COL27A1: variants seen among roughly 807,000 people sequenced by gnomAD.
COL27A1 encodes collagen type XXVII alpha 1 chain, also known as collagen alpha-1(XXVII) chain.
A neutral mutation model predicts 251.3 loss-of-function variants in COL27A1; 106 were observed. The observed-to-expected ratio is 0.42, with a 90% CI of 0.36 to 0.50. The LOEUF is 0.50. Among genes scored for constraint, COL27A1 ranks in the 20% least tolerant of loss-of-function variants. The pLI, the probability that COL27A1 is intolerant of heterozygous loss-of-function variation, is 0.00. For missense variants in COL27A1, 2,325 were observed against 2,522.8 expected (o/e 0.92, Z 1.68); for synonymous variants, 1,000 against 986.3 (o/e 1.01, Z -0.26).
intron 36 of COL27A1, chr9:114,271,470 G>A (rs1835137661): frequency 6.6e-6 from 1 of 152,420 alleles, no homozygotes; most frequent in Admixed American, 6.5e-5. Context: ...GGCTATGAGT[G>A]AGGATCCAAA....
At chr9:114,213,387 C>G (rs956566951) in intron 12 of COL27A1, among the ~76,000 whole-genome samples, 8 of 152,114 alleles carry the variant, frequency 5.3e-5, no homozygotes, top group Non-Finnish European at 1.0e-4. Context: ...ACAAAGTTAC[C>G]CTGTTCATGG....
Position 114,169,440 on chromosome 9 carries a change from C to A in COL27A1, c.1885C>A (p.Pro629Thr), listed in dbSNP as rs776212698. Residue 629 changes from proline to threonine, a missense_variant, in exon 3 of 61, where the codon CCC becomes ACC. Pro to Thr is a conservative substitution (Grantham distance 38, BLOSUM62 -1). This residue lies in a region of COL27A1 where 1,183 missense variants were observed against 1,144.1 expected (regional missense o/e 1.03). Transcript: ENST00000356083. ...CCCTCTGCTGATGGGGCCTCCGGGA[C>A]CCAAGGGAGACTGTGGCTTGCCGGT... ...PFPLLMGPPG[P>T]KGDCGLPGPP... 2 of 1,547,510 alleles carry A rather than the reference C, an allele frequency of 1.3e-6. No individual in the cohort carries two copies. Among genetic ancestry groups the A allele is most frequent in the South Asian group, 1.2e-5 (1 of 82,764 alleles).
At chr9:114,269,053 G>A (rs575534740) in intron 34 of COL27A1, 188 bp from the exon 35 acceptor site, 2 of 533,332 alleles carry the variant, frequency 3.8e-6, no homozygotes, top group East Asian at 6.1e-5. Flanking sequence ...GAAGTCCGTG[G>A]ACAAGGCTTA....
intron 49 of COL27A1, among the ~76,000 whole-genome samples, chr9:114,293,268 T>G (rs769099350): frequency 6.6e-6 from 1 of 152,136 alleles, no homozygotes; most frequent in African/African-American, 2.4e-5. Flanking sequence ...ATCTGGAAAC[T>G]AAGTAACAAA....
intron 52 of COL27A1, 52 bp downstream of exon 52, chr9:114,301,177 C>T (rs559424686): frequency 1.9e-6 from 3 of 1,611,458 alleles, no homozygotes; most frequent in African/African-American, 1.3e-5. Context: ...GCCTTCCTGG[C>T]TCCAGATTGT....
At chr9:114,258,444 G>T in intron 27 of COL27A1, 97 bp from the exon 28 acceptor site, 1 of 1,235,390 alleles carries the variant, frequency 8.1e-7, no homozygotes, top group South Asian at 1.4e-5. Context: ...CCGTCTGAGG[G>T]CTGCAGGCCT....
chr9:114,268,588 G>A (rs888528010), intron 34 of COL27A1, among the ~76,000 whole-genome samples: 10 of 152,252 alleles, frequency 6.6e-5, no homozygotes, highest in African/African-American at 9.6e-5. Flanking sequence ...GCCCAGGTTC[G>A]GATCATGAAT....
At position 114,155,652 on chromosome 9, in the gene COL27A1, G is replaced by C. The variant is rs1449449550; in HGVS notation, c.-299G>C. ...GCCAGCAGCCCGCCTCCAAAAGTTTGATCATCTCTCTCTCTCTTTTTCTTG... is the reference window on the plus strand; with the variant it reads ...GCCAGCAGCCCGCCTCCAAAAGTTTCATCATCTCTCTCTCTCTTTTTCTTG... On this transcript the variant is annotated 5_prime_UTR_variant, in exon 1 of 61. Coordinates refer to ENST00000356083, the MANE Select transcript of COL27A1 (RefSeq NM_032888.4). This position sits in a 1 kb window ranked among gnomAD's most constrained non-coding sequence, Gnocchi z 5.5. 1 of 152,438 alleles carries C rather than the reference G, an allele frequency of 6.6e-6. No homozygotes were observed. Among genetic ancestry groups the C allele is most frequent in the Non-Finnish European group, 1.5e-5 (1 of 68,302 alleles). 9.4% of individuals were successfully genotyped at this position (152,438 alleles called of 1,614,324 possible).
At chr9:114,304,750 G>A in intron 57 of COL27A1, 77 bp downstream of exon 57, 3 of 1,304,324 alleles carry the variant, frequency 2.3e-6, no homozygotes, top group Non-Finnish European at 3.3e-6. Flanking sequence ...CATGTGGTCA[G>A]TGCCTTCCAT....
chr9:114,236,287 G>C (rs1233780563), intron 17 of COL27A1, among the ~76,000 whole-genome samples: 1 of 152,158 alleles, frequency 6.6e-6, no homozygotes, highest in African/African-American at 2.4e-5. Context: ...GACTTGTACT[G>C]TGTCCCCTGC....
In COL27A1 at chr9:114,305,471, T is replaced by C. The variant is rs143789080; in HGVS notation, c.4938+798T>C. On this transcript the variant is annotated intron_variant, in intron 57 of 60. Coordinates refer to ENST00000356083, the MANE Select transcript of COL27A1 (RefSeq NM_032888.4). ...GGAGAGCGCTGACCTGCAACATCCT[T>C]AACATGATGAAGGAAAGTGGCTCCG... 2.0e-4 allele frequency among the ~76,000 whole-genome samples: 30 copies of C among 152,288 alleles called. No homozygotes were observed. In the East Asian group the frequency reaches 5.2e-3, roughly 26 times the overall value.
intron 14 of COL27A1, among the ~76,000 whole-genome samples, chr9:114,224,120 C>CT (rs1363024487): frequency 6.6e-6 from 1 of 152,074 alleles, no homozygotes; most frequent in Non-Finnish European, 1.5e-5. Flanking sequence ...TGCTGAGCAC[C>CT]TTCTTTGGCA....
chr9:114,291,180 C>T (rs556942330), intron 48 of COL27A1, among the ~76,000 whole-genome samples: 8 of 152,188 alleles, frequency 5.3e-5, no homozygotes, highest in Non-Finnish European at 1.2e-4. Flanking sequence ...CACGGGCGCC[C>T]TCTCGTGGAC....
intron 13 of COL27A1, among the ~76,000 whole-genome samples, chr9:114,221,258 G>A (rs1831090928): frequency 6.6e-6 from 1 of 152,156 alleles, no homozygotes; most frequent in Admixed American, 6.5e-5. Flanking sequence ...GAGATAGGTG[G>A]GGAGACATTG....
At chr9:114,231,799 T>G in intron 15 of COL27A1, 23 bp from the exon 16 acceptor site, 1 of 1,614,034 alleles carries the variant, frequency 6.2e-7, no homozygotes. Flanking sequence ...CCATCACAGC[T>G]GGCCTTGGGC....
chr9:114,183,256 C>G (rs1050077712), intron 5 of COL27A1, among the ~76,000 whole-genome samples, 181 bp downstream of exon 5: 2 of 152,212 alleles, frequency 1.3e-5, no homozygotes, highest in African/African-American at 4.8e-5. Context: ...TCCGGAGACA[C>G]AGTGCTTCCG....
chr9:114,222,352 C>T, intron 14 of COL27A1, 85 bp downstream of exon 14: 2 of 1,323,488 alleles, frequency 1.5e-6, no homozygotes, highest in Non-Finnish European at 2.1e-6. Context: ...GGAGCAGGCC[C>T]TGCAGGGGAG....
At position 114,178,396 on chromosome 9, in the gene COL27A1, G is replaced by A. The variant is rs759283560; in HGVS notation, c.1962+52G>A. The A allele has an allele frequency of 6.6e-6, 10 of 1,519,158 alleles. No individual in the cohort carries two copies. In the East Asian group the frequency reaches 1.3e-4, roughly 21 times the overall value. The allele number at this position is 1,519,158 out of a possible 1,614,324, so 94.1% of individuals were successfully genotyped here. A position where few individuals can be genotyped will look rare whatever the true frequency, so the allele number is the denominator to read the frequency against. ...AACTCTTGGTGGCTCTTTGGCCTGCGTCTCACTGCCCCTGAGGTCTCGGGT... is the reference window on the plus strand; with the variant it reads ...AACTCTTGGTGGCTCTTTGGCCTGCATCTCACTGCCCCTGAGGTCTCGGGT... On this transcript the variant is annotated intron_variant, in intron 4 of 60. Transcript: ENST00000356083.
intron 2 of COL27A1, among the ~76,000 whole-genome samples, chr9:114,166,291 C>CCATCCATCCA (rs776282136): frequency 6.7e-6 from 1 of 149,166 alleles, no homozygotes. Flanking sequence ...ATCCATCCAT[C>CCATCCATCCA]TATTCATCTA....
Sources: gnomAD v4.1 joint callset for allele counts (sites outside exome capture counted in the v4.1 genomes callset) on GRCh38, gnomAD v4.1.1 for gene constraint, gnomAD v4.1.1 regional missense constraint, Gnocchi (gnomAD v3.1) non-coding constraint, MANE v1.5 for transcripts, NCBI Gene and HGNC (gene_info 2026-07-23, HGNC 2026-07-21) for gene names.